Variants in CSMD1 observed in about 807,000 individuals in gnomAD.
CSMD1 encodes the protein CUB and Sushi multiple domains 1.
CSMD1 carries 213 observed loss-of-function variants against 417.5 expected under a neutral mutation model. The ratio of observed to expected loss-of-function variants is 0.51; its 90% CI spans 0.46 to 0.57. The LOEUF (loss-of-function observed/expected upper bound fraction) is 0.57. Among genes scored for constraint, CSMD1 ranks in the 20% least tolerant of loss-of-function variants. The pLI is 0.00. For synonymous variants in CSMD1, 2,862 were observed against 1,736.8 expected (o/e 1.65, Z -16.11); for missense variants, 6,923 against 4,529.7 (o/e 1.53, Z -15.17).
At chr8:4,870,972 A>C (rs1327145005) in intron 1 of CSMD1, among the ~76,000 whole-genome samples, 1 of 152,092 alleles carries the variant, frequency 6.6e-6, no homozygotes, top group Non-Finnish European at 1.5e-5. Flanking sequence ...GAGAAGAGTC[A>C]GGGACTCAGG....
At chr8:4,825,563 T>A (rs1012599034) in intron 1 of CSMD1, among the ~76,000 whole-genome samples, 1 of 149,002 alleles carries the variant, frequency 6.7e-6, no homozygotes, top group Non-Finnish European at 1.5e-5. Flanking sequence ...TGTGGCTGTC[T>A]TAGATACTTC....
At chr8:4,502,728 A>G (rs1034752560) in intron 2 of CSMD1, among the ~76,000 whole-genome samples, 3 of 152,112 alleles carry the variant, frequency 2.0e-5, no homozygotes, top group Non-Finnish European at 2.9e-5. Context: ...TTAACAGCAG[A>G]TCTTTGCTTT....
chr8:4,544,245 C>G (rs894289492), intron 2 of CSMD1, among the ~76,000 whole-genome samples: 1 of 152,048 alleles, frequency 6.6e-6, no homozygotes, highest in Non-Finnish European at 1.5e-5. Flanking sequence ...TATATAGTCT[C>G]GCATTTCATA....
chr8:2,967,838 G>A (rs947729182), intron 57 of CSMD1, among the ~76,000 whole-genome samples: 7 of 152,074 alleles, frequency 4.6e-5, no homozygotes, highest in African/African-American at 1.2e-4. Flanking sequence ...ACTGGGAGTC[G>A]AGGGACTACC....
At position 2,985,997 on chromosome 8, in the gene CSMD1, A is replaced by G. The variant is rs867647089; in HGVS notation, c.8378-7197T>C. On this transcript the variant is annotated intron_variant, in intron 54 of 69. Coordinates refer to ENST00000635120, the MANE Select transcript of CSMD1 (RefSeq NM_033225.6). Reference sequence around the variant, plus strand: ...AAGGGAAAGGGGAAGGGAAAGGGGAAGCGGAAGGGGAGAGAGGGAGGGAGG... The same window carrying G: ...AAGGGAAAGGGGAAGGGAAAGGGGAGGCGGAAGGGGAGAGAGGGAGGGAGG... Among the ~76,000 whole-genome samples the G allele has an allele frequency of 6.3e-3, 798 of 127,432 alleles. 13 individuals are homozygous for G. The highest frequency in any genetic ancestry group is 0.023 in the African/African-American group (739 of 32,042). 83.6% of individuals were successfully genotyped at this position (127,432 alleles called of 152,430 possible).
chr8:4,087,569 C>T (rs913722110), intron 3 of CSMD1, among the ~76,000 whole-genome samples: 3 of 152,100 alleles, frequency 2.0e-5, no homozygotes, highest in African/African-American at 4.8e-5. Flanking sequence ...TGTCCTTATA[C>T]ACTTGATTTC....
chr8:3,205,636 A>C lies in CSMD1; in HGVS notation c.4868-16T>G. ...CCACAGGGAGCTGAAAATAAAATCA[A>C]CCGAGAATTAGTCGCTGTGCAATAA... On this transcript the variant is annotated splice_polypyrimidine_tract_variant and intron_variant, in intron 30 of 69. Coordinates refer to ENST00000635120, the MANE Select transcript of CSMD1 (RefSeq NM_033225.6). The C allele has an allele frequency of 7.6e-7, 1 of 1,307,260 alleles. No homozygotes were observed. Among genetic ancestry groups the C allele is most frequent in the Non-Finnish European group, 1.1e-6 (1 of 926,110 alleles). 81.0% of individuals were successfully genotyped at this position (1,307,260 alleles called of 1,614,324 possible).
intron 3 of CSMD1, among the ~76,000 whole-genome samples, chr8:4,393,929 A>C (rs1804031315): frequency 6.6e-6 from 1 of 152,228 alleles, no homozygotes; most frequent in African/African-American, 2.4e-5. Flanking sequence ...GCTAGATTGT[A>C]AGATATTGCC....
intron 2 of CSMD1, among the ~76,000 whole-genome samples, chr8:4,507,782 A>G (rs935151885): frequency 2.0e-5 from 3 of 152,226 alleles, no homozygotes; most frequent in Non-Finnish European, 2.9e-5. Flanking sequence ...AAGAGTTGTA[A>G]TGAAACAGAA....
intron 3 of CSMD1, among the ~76,000 whole-genome samples, chr8:4,094,142 TG>T: frequency 6.6e-6 from 1 of 152,028 alleles, no homozygotes; most frequent in South Asian, 2.1e-4. Context: ...GTGGGGGGGA[TG>T]AGGGGACACA....
intron 3 of CSMD1, among the ~76,000 whole-genome samples, chr8:4,053,626 C>T (rs775489833): frequency 1.3e-5 from 2 of 152,156 alleles, no homozygotes; most frequent in Admixed American, 6.5e-5. Flanking sequence ...CTACAGATTT[C>T]ATTTGTCTTG....
intron 3 of CSMD1, among the ~76,000 whole-genome samples, chr8:4,347,192 T>C (rs1352825517): frequency 6.6e-6 from 1 of 152,130 alleles, no homozygotes; most frequent in Admixed American, 6.6e-5. Context: ...TACTCCTAAC[T>C]TATTAATCTT....
intron 7 of CSMD1, among the ~76,000 whole-genome samples, chr8:3,692,011 C>G (rs1179008858): frequency 6.6e-6 from 1 of 152,308 alleles, no homozygotes; most frequent in South Asian, 2.1e-4. Context: ...TGCTGGGCAT[C>G]TGGTCTCATC....
intron 1 of CSMD1, among the ~76,000 whole-genome samples, chr8:4,750,752 A>AG (rs1469571899): frequency 2.0e-5 from 3 of 151,912 alleles, no homozygotes; most frequent in African/African-American, 7.3e-5. Context: ...TTACTTCCCA[A>AG]GGAAAAAAAA....
chr8:3,051,323 C>T (rs1811799710), intron 50 of CSMD1, among the ~76,000 whole-genome samples: 1 of 152,166 alleles, frequency 6.6e-6, no homozygotes, highest in South Asian at 2.1e-4. Context: ...GGTCATTATT[C>T]CAAGTGAACT....
chr8:3,435,870 C>G (rs931625727), intron 12 of CSMD1, among the ~76,000 whole-genome samples: 3 of 152,248 alleles, frequency 2.0e-5, no homozygotes, highest in African/African-American at 7.2e-5. Flanking sequence ...GACTTTGCTT[C>G]TGCCCCACTG....
chr8:3,268,137 A>T (rs1413850222), intron 26 of CSMD1, among the ~76,000 whole-genome samples: 1 of 152,014 alleles, frequency 6.6e-6, no homozygotes, highest in Non-Finnish European at 1.5e-5. Flanking sequence ...AGGTGAATGT[A>T]TGAACTGATA....
chr8:3,722,796 T>C (rs894393739), intron 6 of CSMD1, among the ~76,000 whole-genome samples: 1 of 152,212 alleles, frequency 6.6e-6, no homozygotes, highest in African/African-American at 2.4e-5. Flanking sequence ...ACTTCTGCTG[T>C]GTAACAAGGA....
At chr8:2,998,329 T>C (rs1807095846) in intron 53 of CSMD1, 145 bp from the exon 54 acceptor site, 1 of 710,424 alleles carries the variant, frequency 1.4e-6, no homozygotes, top group Admixed American at 2.9e-5. Context: ...ATGGTATTTA[T>C]ATTCAGAAGG....
Sources: gnomAD v4.1 joint callset for allele counts (sites outside exome capture counted in the v4.1 genomes callset) on GRCh38, gnomAD v4.1.1 for gene constraint, MANE v1.5 for transcripts, NCBI Gene and HGNC (gene_info 2026-07-23, HGNC 2026-07-21) for gene names.